DIP2C: variants seen among roughly 807,000 people sequenced by gnomAD.
DIP2C encodes the protein disco-interacting protein 2 homolog C.
A neutral mutation model predicts 192.4 loss-of-function variants in DIP2C; 33 were observed. That is an observed-to-expected ratio of 0.17 (90% CI 0.13 to 0.23). The LOEUF is 0.23. DIP2C is among the 10% of genes least tolerant of loss of function. The pLI is 1.00. For synonymous variants in DIP2C, 979 were observed against 864.1 expected, an observed-to-expected ratio of 1.13 and a Z score of -2.33; for missense variants, 1,537 against 2,110.1, an observed-to-expected ratio of 0.73 and a Z score of 5.32.
chr10:558,406 C>A (rs1849022739), intron 1 of DIP2C, among the ~76,000 whole-genome samples: 1 of 152,182 alleles, frequency 6.6e-6, no homozygotes, highest in Non-Finnish European at 1.5e-5. Context: ...ACCCCCAGAC[C>A]TAATCATCTC....
At chr10:657,164 T>C (rs1477971655) in intron 1 of DIP2C, among the ~76,000 whole-genome samples, 1 of 149,690 alleles carries the variant, frequency 6.7e-6, no homozygotes, top group Non-Finnish European at 1.5e-5. Context: ...ACGCTGGACC[T>C]GATGCTGGAC....
chr10:665,208 G>C (rs1276247479), intron 1 of DIP2C: 2 of 152,046 alleles, frequency 1.3e-5, no homozygotes, highest in Non-Finnish European at 2.9e-5. Flanking sequence ...TTTTTGCTTT[G>C]GATGGTTCAT....
At chr10:484,807 T>G in intron 2 of DIP2C, 1 of 1,611,090 alleles carries the variant, frequency 6.2e-7, no homozygotes, top group Non-Finnish European at 8.5e-7. Flanking sequence ...CAGAGGCCGG[T>G]TCCCTGCGGT....
intron 1 of DIP2C, among the ~76,000 whole-genome samples, chr10:511,552 C>G (rs899392781): frequency 3.3e-5 from 5 of 152,162 alleles, no homozygotes; most frequent in African/African-American, 1.2e-4. Flanking sequence ...AACACGTCTT[C>G]CAGGTTCATT....
At chr10:352,905 G>A (rs147208606) in intron 24 of DIP2C, among the ~76,000 whole-genome samples, 149 of 152,200 alleles carry the variant, frequency 9.8e-4, no homozygotes, top group Middle Eastern at 3.4e-3. Flanking sequence ...CAGGAGAAAT[G>A]CCAGTAACTT....
intron 31 of DIP2C, among the ~76,000 whole-genome samples, chr10:324,234 A>G (rs1035590353): frequency 1.3e-5 from 2 of 152,222 alleles, no homozygotes; most frequent in Non-Finnish European, 2.9e-5. Context: ...AAACTTTGTC[A>G]TAAGTTTCTT....
At chr10:524,687 C>A (rs1395519370) in intron 1 of DIP2C, among the ~76,000 whole-genome samples, 4 of 152,310 alleles carry the variant, frequency 2.6e-5, no homozygotes, top group African/African-American at 9.6e-5. Context: ...ATGCATTGCA[C>A]TCTCGCAATT....
intron 29 of DIP2C, among the ~76,000 whole-genome samples, chr10:339,655 T>C (rs906728691): frequency 6.6e-6 from 1 of 152,158 alleles, no homozygotes; most frequent in Non-Finnish European, 1.5e-5. Context: ...GCTTGGCGCA[T>C]ATACCTGAGG....
At chr10:329,674 G>C (rs1589499162) in intron 29 of DIP2C, 73 bp from the exon 30 acceptor site, 1 of 1,516,636 alleles carries the variant, frequency 6.6e-7, no homozygotes, top group African/African-American at 1.4e-5. Context: ...GAGGGCTCAG[G>C]GCAGCACTGA....
Position 364,265 on chromosome 10 carries a change from C to T in DIP2C, c.2477+109G>A, listed in dbSNP as rs192660114. On this transcript the variant is annotated intron_variant, in intron 20 of 36. Transcript: ENST00000280886. ...TGCTTCAATAACATGGAAGAGGAAACGGAGACACAATACATTTAAGGAAAC... is the reference window on the plus strand; with the variant it reads ...TGCTTCAATAACATGGAAGAGGAAATGGAGACACAATACATTTAAGGAAAC... The T allele has an allele frequency of 1.1e-4, 142 of 1,295,128 alleles. No homozygotes were observed. In the African/African-American group the frequency reaches 1.7e-3, roughly 16 times the overall value. 80.2% of individuals were successfully genotyped at this position (1,295,128 alleles called of 1,614,324 possible).
chr10:392,875 C>T (rs534633960), intron 10 of DIP2C, among the ~76,000 whole-genome samples: 2 of 99,040 alleles, frequency 2.0e-5, no homozygotes, highest in East Asian at 6.0e-4. Context: ...AGACACTCAA[C>T]ACTCACACAC....
At chr10:442,390 C>A (rs1026050073) in intron 3 of DIP2C, among the ~76,000 whole-genome samples, 1 of 152,142 alleles carries the variant, frequency 6.6e-6, no homozygotes, top group African/African-American at 2.4e-5. Context: ...GCCTGGTTTT[C>A]TGGCCACTCT....
At chr10:569,939 C>A (rs1232762187) in intron 1 of DIP2C, among the ~76,000 whole-genome samples, 2 of 152,202 alleles carry the variant, frequency 1.3e-5, no homozygotes, top group African/African-American at 4.8e-5. Flanking sequence ...ATCTACAGTG[C>A]TTCTGGCAGC....
chr10:421,857 T>C (rs1027748025), intron 5 of DIP2C, among the ~76,000 whole-genome samples: 1 of 152,192 alleles, frequency 6.6e-6, no homozygotes, highest in African/African-American at 2.4e-5. Flanking sequence ...AGCAAACTCC[T>C]GTTCCAGACA....
Position 329,594 on chromosome 10 carries a change from A to C in DIP2C, c.3592T>G (p.Ser1198Ala). ...GGGATCAGGATGGACTGGTGCCCAG[A>C]ATACACACTGCAGAGAAAGAAGAGG... is the stretch of plus-strand genomic sequence containing the variant. ...FVLWCLCSVY[S>A]GHQSILIPPS... The change falls in exon 30 of 37, where the codon TCT becomes GCT. Residue 1198 changes from serine (S) to alanine (A), a missense_variant. Ser to Ala is a moderately conservative substitution (Grantham distance 99). This residue lies in a region of DIP2C where 341 missense variants were observed against 551.7 expected (regional missense o/e 0.62). Transcript: ENST00000280886. 1 of 1,614,046 alleles carries C rather than the reference A, an allele frequency of 6.2e-7. No homozygotes were observed. Among genetic ancestry groups the C allele is most frequent in the Non-Finnish European group, 8.5e-7 (1 of 1,179,946 alleles).
chr10:523,441 C>T (rs1846850180), intron 1 of DIP2C, among the ~76,000 whole-genome samples: 1 of 131,232 alleles, frequency 7.6e-6, no homozygotes, highest in African/African-American at 3.0e-5. Flanking sequence ...CTCTGTGTCA[C>T]CCACACACTC....
At position 651,473 on chromosome 10, in the gene DIP2C, G is replaced by C; in HGVS notation, c.85+38021C>G. 1.6e-6 allele frequency: 1 copy of C among 633,114 alleles called. No individual in the cohort carries two copies. The highest frequency in any genetic ancestry group is 1.7e-5 in the South Asian group (1 of 58,630). 39.2% of individuals were successfully genotyped at this position (633,114 alleles called of 1,614,324 possible). ...TAGCAGAAGACTTAGTAGAATGTAT[G>C]AGTAACAATTACAATTATATGAAAA... On this transcript the variant is annotated intron_variant, in intron 1 of 36. Transcript: ENST00000280886. The surrounding 1 kb of genome is among the most constrained non-coding windows in gnomAD (Gnocchi z 4.1).
chr10:542,820 G>A (rs182507018), intron 1 of DIP2C, among the ~76,000 whole-genome samples: 61 of 145,904 alleles, frequency 4.2e-4, no homozygotes, highest in South Asian at 1.5e-3. Context: ...TTGGGGAGTG[G>A]GGGGTTCTGA....
chr10:587,103 G>T (rs1298723939), intron 1 of DIP2C, among the ~76,000 whole-genome samples: 6 of 149,402 alleles, frequency 4.0e-5, no homozygotes, highest in African/African-American at 1.5e-4. Context: ...CCGGATCCCT[G>T]CTGATAGCGT....
Sources: allele counts gnomAD v4.1 joint callset (sites outside exome capture counted in the v4.1 genomes callset), GRCh38; gene constraint gnomAD v4.1.1; regional missense constraint gnomAD v4.1.1; non-coding constraint Gnocchi (gnomAD v3.1); transcripts MANE v1.5; gene names NCBI Gene and HGNC (gene_info 2026-07-23, HGNC 2026-07-21).